STRA6: variants seen among roughly 807,000 people sequenced by gnomAD.
The protein encoded by STRA6 is signaling receptor and transporter of retinol STRA6, also known as receptor for retinol uptake STRA6.
A neutral mutation model predicts 83.6 loss-of-function variants in STRA6; 48 were observed. The ratio of observed to expected loss-of-function variants is 0.57; its 90% CI spans 0.46 to 0.73. The LOEUF is 0.73. STRA6 is among the 30% of genes least tolerant of loss of function. The pLI, the probability that STRA6 is intolerant of heterozygous loss-of-function variation, is 0.00. For missense variants in STRA6, 760 were observed against 838.8 expected (o/e 0.91, Z 1.16); for synonymous variants, 353 against 362.3 (o/e 0.97, Z 0.29).
At chr15:74,184,034 C>T (rs772321096) in intron 13 of STRA6, 45 bp from the exon 14 acceptor site, 8 of 1,607,484 alleles carry the variant, frequency 5.0e-6, no homozygotes, top group Non-Finnish European at 6.8e-6. Flanking sequence ...GAGCAACACA[C>T]TCTTCCTAAA....
upstream of STRA6, among the ~76,000 whole-genome samples, chr15:74,211,167 A>G (rs1382424217): frequency 1.3e-5 from 2 of 151,712 alleles, no homozygotes; most frequent in Non-Finnish European, 2.9e-5. Flanking sequence ...ACACACACAC[A>G]CACACACACA....
chr15:74,196,125 C>A lies in STRA6; in HGVS notation c.289G>T (p.Asp97Tyr). 1.2e-6 allele frequency: 2 copies of A among 1,613,944 alleles called. No individual in the cohort carries two copies. The highest frequency in any genetic ancestry group is 1.7e-6 in the Non-Finnish European group (2 of 1,180,000). ...LPSPVDFLAG[D>Y]RPRAVPAAVF... ...GCAGCAGGCACTGCCCGGGGCCTGT[C>A]CCCAGCCAAGAAATCCACAGGGCTA... is the stretch of plus-strand genomic sequence containing the variant. Residue 97 changes from aspartate to tyrosine, a missense_variant, in exon 5 of 19, where the codon GAC (aspartate) becomes TAC (tyrosine). Asp to Tyr is a radical substitution (Grantham distance 160). Coordinates refer to ENST00000395105, the MANE Select transcript of STRA6 (RefSeq NM_022369.4).
At chr15:74,209,718 C>G (rs901008817), upstream of STRA6, 2 of 435,950 alleles carry the variant, frequency 4.6e-6, no homozygotes, top group East Asian at 4.0e-5. Context: ...GCTCTCCCTA[C>G]CCCTCCCTCC....
intron 12 of STRA6, among the ~76,000 whole-genome samples, chr15:74,187,171 AG>A (rs1351635772): frequency 3.3e-5 from 5 of 152,326 alleles, no homozygotes; most frequent in African/African-American, 1.2e-4. Context: ...ACAGGGTTGA[AG>A]GGTTAGCAGC....
In STRA6 at chr15:74,179,631, T is replaced by TC. The variant is rs2072879905; in HGVS notation, c.*448dup. ...CTGCAGGCCAGAGGCCCGGGAGCTT[T>TC]CCGGCCACTCCCCAGAGAGGTCCGT... On this transcript the variant is annotated 3_prime_UTR_variant, in exon 19 of 19. Coordinates refer to ENST00000395105, the MANE Select transcript of STRA6 (RefSeq NM_022369.4). The TC allele has an allele frequency of 1.8e-5, 3 of 164,962 alleles. No homozygotes were observed. Among genetic ancestry groups the TC allele is most frequent in the Admixed American group, 1.7e-4 (3 of 17,464 alleles). The allele number at this position is 164,962 out of a possible 1,614,324, so 10.2% of individuals were successfully genotyped here.
intron 2 of STRA6, among the ~76,000 whole-genome samples, chr15:74,201,296 G>A (rs770809175): frequency 3.3e-5 from 5 of 152,192 alleles, no homozygotes; most frequent in Non-Finnish European, 7.3e-5. Context: ...CACACATCTG[G>A]CTCGGCAACC....
intron 5 of STRA6, 108 bp from the exon 6 acceptor site, chr15:74,195,783 C>T (rs1298164338): frequency 9.2e-6 from 8 of 868,628 alleles, no homozygotes; most frequent in Non-Finnish European, 1.4e-5. Context: ...GATACTACTT[C>T]CCTGGCTCTC....
In STRA6 at chr15:74,193,033, G is replaced by C. The variant is rs141483556; in HGVS notation, c.720+767C>G. The stretch of plus-strand genomic sequence containing the variant: ...GTAGGTGCTTAGAAGGCTTTTTAGT[G>C]AGATTGAAGTATCTTCTAAGAATTC... On this transcript the variant is annotated intron_variant, in intron 8 of 18. Transcript: ENST00000395105. 2.2e-3 allele frequency among the ~76,000 whole-genome samples: 336 copies of C among 152,288 alleles called. 2 individuals carry two copies. The highest frequency in any genetic ancestry group is 7.7e-3 in the African/African-American group (319 of 41,542).
upstream of STRA6, among the ~76,000 whole-genome samples, chr15:74,211,069 A>T (rs1204324408): frequency 6.6e-6 from 1 of 152,158 alleles, no homozygotes; most frequent in Non-Finnish European, 1.5e-5. Context: ...TTAAGCCCAG[A>T]GAGGCCACAT....
At chr15:74,211,046 A>G (rs2074360285), upstream of STRA6, among the ~76,000 whole-genome samples, 1 of 152,200 alleles carries the variant, frequency 6.6e-6, no homozygotes. Context: ...ACTCCAACAC[A>G]TCCAAAAGAA....
intron 1 of STRA6, chr15:74,207,915 C>T: frequency 6.8e-7 from 1 of 1,480,024 alleles, no homozygotes; most frequent in Admixed American, 2.1e-5. Context: ...GTGCTCACGG[C>T]AGGAAGAGTA....
upstream of STRA6, among the ~76,000 whole-genome samples, chr15:74,207,057 G>A (rs983035689): frequency 1.3e-5 from 2 of 152,238 alleles, no homozygotes; most frequent in African/African-American, 4.8e-5. Context: ...GTTGGAGCTG[G>A]CCCATGAAGG....
chr15:74,193,695 C>A, intron 8 of STRA6, 105 bp downstream of exon 8: 1 of 1,561,734 alleles, frequency 6.4e-7, no homozygotes, highest in Admixed American at 1.7e-5. Flanking sequence ...CTATTCTGTG[C>A]TGGGCCCTAC....
At chr15:74,192,094 C>G (rs2073573621) in intron 8 of STRA6, 1 of 163,000 alleles carries the variant, frequency 6.1e-6, no homozygotes, top group Admixed American at 5.6e-5. Context: ...GCCATGACAA[C>G]CCTGGGATCC....
chr15:74,197,275 C>T (rs2073860502), intron 4 of STRA6, 63 bp downstream of exon 4: 3 of 1,223,490 alleles, frequency 2.5e-6, no homozygotes, highest in Non-Finnish European at 3.5e-6. Context: ...AATCACCCAC[C>T]CTCCCAGAGG....
At chr15:74,198,772 G>T (rs1313620037) in intron 2 of STRA6, among the ~76,000 whole-genome samples, 1 of 152,182 alleles carries the variant, frequency 6.6e-6, no homozygotes, top group African/African-American at 2.4e-5. Context: ...CACCTAACTG[G>T]GGATCCCTTT....
At chr15:74,182,631 C>T in intron 14 of STRA6, 171 bp from the exon 15 acceptor site, 1 of 615,260 alleles carries the variant, frequency 1.6e-6, no homozygotes, top group Non-Finnish European at 2.9e-6. Flanking sequence ...TTCATTGAGC[C>T]TCAGTTTCTT....
upstream of STRA6, chr15:74,209,094 A>G (rs1469684267): frequency 1.6e-6 from 2 of 1,286,304 alleles, no homozygotes; most frequent in Admixed American, 7.5e-5. Flanking sequence ...CTGCCCTCAC[A>G]GACCTCCCGC....
intron 7 of STRA6, 67 bp from the exon 8 acceptor site, chr15:74,193,989 T>A (rs1012895398): frequency 6.3e-7 from 1 of 1,595,400 alleles, no homozygotes; most frequent in South Asian, 1.1e-5. Context: ...CCAGAATCCG[T>A]TGCCCTTCCC....
Sources: gnomAD v4.1 joint callset for allele counts (sites outside exome capture counted in the v4.1 genomes callset) on GRCh38, gnomAD v4.1.1 for gene constraint, MANE v1.5 for transcripts, NCBI Gene and HGNC (gene_info 2026-07-23, HGNC 2026-07-21) for gene names.